TENM3: variants seen among roughly 807,000 people sequenced by gnomAD.
TENM3 encodes teneurin-3.
Under a neutral mutation model 255.1 loss-of-function variants are expected in TENM3, and 63 were observed. The ratio of observed to expected loss-of-function variants is 0.25; its 90% CI spans 0.20 to 0.30. TENM3 has a LOEUF of 0.30. Among genes scored for constraint, TENM3 ranks in the 10% least tolerant of loss-of-function variants. The probability of loss-of-function intolerance (pLI) is 1.00; values close to 1 mark genes in which losing one functional copy is unlikely to be tolerated. For missense variants in TENM3, 2,929 were observed against 3,461.1 expected (o/e 0.85, Z 3.86); for synonymous variants, 1,306 against 1,322.3 (o/e 0.99, Z 0.27).
chr4:181,449,521 C>T, the TENM3 span, among the ~76,000 whole-genome samples: 3 of 152,188 alleles, frequency 2.0e-5, no homozygotes, highest in Non-Finnish European at 4.4e-5. Flanking sequence ...TGGTGGCTCA[C>T]GCCTGTAATC....
intron 12 of TENM3, among the ~76,000 whole-genome samples, chr4:182,701,210 C>CGTTTTTTTTT (rs1757831816): frequency 2.6e-5 from 1 of 38,644 alleles, no homozygotes; most frequent in Non-Finnish European, 4.3e-5. Context: ...CAACTCTTGA[C>CGTTTTTTTTT]TTTTTTTTTT....
chr4:182,707,614 T>G (rs1367982685), intron 12 of TENM3: 2 of 152,216 alleles, frequency 1.3e-5, no homozygotes, highest in Non-Finnish European at 2.9e-5. Flanking sequence ...ATTGAAAATT[T>G]ATGGACTAAA....
chr4:181,742,414 C>T, the TENM3 span, among the ~76,000 whole-genome samples: 1 of 152,040 alleles, frequency 6.6e-6, no homozygotes, highest in African/African-American at 2.4e-5. Flanking sequence ...ATTAACTCAA[C>T]AAATGTTTAG....
the TENM3 span, among the ~76,000 whole-genome samples, chr4:182,072,595 A>T: frequency 5.3e-5 from 8 of 152,240 alleles, no homozygotes; most frequent in Non-Finnish European, 7.3e-5. Context: ...TCTAGGCATA[A>T]TCAGATATCT....
At chr4:181,582,687 GAA>G in the TENM3 span, among the ~76,000 whole-genome samples, 1 of 133,846 alleles carries the variant, frequency 7.5e-6, no homozygotes, top group South Asian at 2.4e-4. Flanking sequence ...AAAAAAAAAA[GAA>G]AGAAAGAAAA....
At chr4:182,239,723 G>C (rs1757120174), upstream of TENM3, among the ~76,000 whole-genome samples, 1 of 152,068 alleles carries the variant, frequency 6.6e-6, no homozygotes, top group Non-Finnish European at 1.5e-5. Context: ...TACTTCAAAT[G>C]AAATAAGAAG....
At chr4:181,634,386 T>TG in the TENM3 span, among the ~76,000 whole-genome samples, 3 of 16,384 alleles carry the variant, frequency 1.8e-4, no homozygotes, top group African/African-American at 5.4e-4. Flanking sequence ...TTTTAATTCT[T>TG]TTTTTTTTTT....
the TENM3 span, among the ~76,000 whole-genome samples, chr4:181,987,020 A>G: frequency 3.3e-5 from 5 of 152,072 alleles, no homozygotes; most frequent in Non-Finnish European, 5.9e-5. Context: ...TCCAATTCTA[A>G]TATATCTTCC....
At chr4:181,564,627 A>G in the TENM3 span, among the ~76,000 whole-genome samples, 1 of 152,102 alleles carries the variant, frequency 6.6e-6, no homozygotes, top group South Asian at 2.1e-4. Context: ...CTTCGTCAAA[A>G]CATCCTCCTT....
At chr4:182,036,090 A>G in the TENM3 span, among the ~76,000 whole-genome samples, 1 of 152,298 alleles carries the variant, frequency 6.6e-6, no homozygotes, top group Non-Finnish European at 1.5e-5. Context: ...TCTGTTAGAA[A>G]TGCCACTTCC....
At chr4:182,696,887 A>AT (rs1279624289) in intron 12 of TENM3, among the ~76,000 whole-genome samples, 1 of 152,084 alleles carries the variant, frequency 6.6e-6, no homozygotes, top group African/African-American at 2.4e-5. Context: ...AATTATGTAA[A>AT]TTTCAGACCC....
chr4:181,883,178 TG>T, the TENM3 span, among the ~76,000 whole-genome samples: 1 of 145,726 alleles, frequency 6.9e-6, no homozygotes, highest in Non-Finnish European at 1.5e-5. Context: ...ACATTTGAAA[TG>T]ACGGGTAAAA....
the TENM3 span, among the ~76,000 whole-genome samples, chr4:181,468,061 C>T: frequency 7.4e-5 from 11 of 148,166 alleles, no homozygotes; most frequent in African/African-American, 1.5e-4. Flanking sequence ...TCTGGGAGGC[C>T]GAGGCAGGTG....
chr4:182,300,061 G>C (rs1398216113), intron 1 of TENM3, among the ~76,000 whole-genome samples: 1 of 152,068 alleles, frequency 6.6e-6, no homozygotes, highest in Non-Finnish European at 1.5e-5. Flanking sequence ...GATTACAGGT[G>C]TTCACAGCCA....
At chr4:182,752,662 T>G (rs1478065519) in intron 20 of TENM3, among the ~76,000 whole-genome samples, 4 of 152,174 alleles carry the variant, frequency 2.6e-5, no homozygotes, top group Non-Finnish European at 4.4e-5. Context: ...GACTATTATG[T>G]GAACAAGGAC....
At chr4:182,448,808 G>T (rs1773166031) in intron 3 of TENM3, among the ~76,000 whole-genome samples, 2 of 146,218 alleles carry the variant, frequency 1.4e-5, no homozygotes, top group Admixed American at 6.6e-5. Context: ...CGGGGCGAGG[G>T]GGTGAGGCGA....
intron 1 of TENM3, among the ~76,000 whole-genome samples, chr4:182,205,681 C>T (rs2149853963): frequency 1.3e-5 from 2 of 152,384 alleles, no homozygotes; most frequent in East Asian, 3.9e-4. Flanking sequence ...CAGTAGACAA[C>T]TCCATGAACA....
chr4:181,462,329 T>G, the TENM3 span, among the ~76,000 whole-genome samples: 1 of 152,080 alleles, frequency 6.6e-6, no homozygotes, highest in African/African-American at 2.4e-5. Context: ...TCCTTTCCAT[T>G]TCCCTGCCCT....
At chr4:182,761,400 A>C (rs2152766410) in intron 22 of TENM3, among the ~76,000 whole-genome samples, 1 of 147,432 alleles carries the variant, frequency 6.8e-6, no homozygotes, top group African/African-American at 2.6e-5. Context: ...GCCTGGGTGA[A>C]AAGAGTGAGG....
Sources: gnomAD v4.1 joint callset for allele counts (sites outside exome capture counted in the v4.1 genomes callset) on GRCh38, gnomAD v4.1.1 for gene constraint, MANE v1.5 for transcripts, NCBI Gene and HGNC (gene_info 2026-07-23, HGNC 2026-07-21) for gene names.